PDGFRL: variants seen among roughly 807,000 people sequenced by gnomAD.
PDGFRL encodes the protein platelet-derived growth factor receptor-like protein.
PDGFRL carries 46 observed loss-of-function variants against 37.2 expected under a neutral mutation model. That is an observed-to-expected ratio of 1.24 (90% CI 0.98 to 1.58). The LOEUF (loss-of-function observed/expected upper bound fraction) is 1.58, where lower values mean the gene tolerates loss of function less well. Ranked by LOEUF, PDGFRL falls within the 40% of genes most tolerant of loss-of-function variation. The probability of loss-of-function intolerance (pLI) is 0.00; values close to 1 mark genes in which losing one functional copy is unlikely to be tolerated. For synonymous variants in PDGFRL, 251 were observed against 184.3 expected (o/e 1.36, Z -2.93); for missense variants, 692 against 467.6 (o/e 1.48, Z -4.43).
chr8:17,590,819 G>T (rs1218641132), intron 2 of PDGFRL, among the ~76,000 whole-genome samples: 2 of 151,952 alleles, frequency 1.3e-5, no homozygotes, highest in Non-Finnish European at 2.9e-5. Context: ...GGAGATTTCT[G>T]TGAGCAACTT....
chr8:17,632,854 T>C (rs2129822029), intron 4 of PDGFRL, among the ~76,000 whole-genome samples: 1 of 152,222 alleles, frequency 6.6e-6, no homozygotes, highest in South Asian at 2.1e-4. Flanking sequence ...TGCTGGTGTC[T>C]CCCTGCTTCT....
At chr8:17,578,909 C>G (rs1027930799) in intron 1 of PDGFRL, among the ~76,000 whole-genome samples, 2 of 152,188 alleles carry the variant, frequency 1.3e-5, no homozygotes, top group African/African-American at 4.8e-5. Flanking sequence ...TATAAAAGTA[C>G]ACACATCTGG....
chr8:17,630,643 C>T (rs73666199), intron 4 of PDGFRL, among the ~76,000 whole-genome samples: 3,606 of 152,304 alleles, frequency 0.024, 139 homozygotes, highest in African/African-American at 0.082. Flanking sequence ...CCCTCCCCTC[C>T]CCTCCCCTCC....
intron 2 of PDGFRL, among the ~76,000 whole-genome samples, chr8:17,596,846 A>T (rs1804063607): frequency 6.6e-6 from 1 of 152,254 alleles, no homozygotes; most frequent in Non-Finnish European, 1.5e-5. Context: ...ATTTCACACC[A>T]GAGATTCAAG....
At chr8:17,617,868 A>G (rs1804559473) in intron 2 of PDGFRL, among the ~76,000 whole-genome samples, 1 of 152,130 alleles carries the variant, frequency 6.6e-6, no homozygotes, top group South Asian at 2.1e-4. Flanking sequence ...GGCCCAGAGA[A>G]GATGCGCAGT....
At chr8:17,581,838 C>A (rs1304042989) in intron 1 of PDGFRL, among the ~76,000 whole-genome samples, 1 of 152,050 alleles carries the variant, frequency 6.6e-6, no homozygotes, top group Non-Finnish European at 1.5e-5. Flanking sequence ...ACAACCCAGC[C>A]CTACGTATTC....
chr8:17,612,267 A>T (rs1804434350), intron 2 of PDGFRL, among the ~76,000 whole-genome samples: 1 of 152,214 alleles, frequency 6.6e-6, no homozygotes, highest in Non-Finnish European at 1.5e-5. Flanking sequence ...GCATTTATGC[A>T]GTATCTGTTT....
chr8:17,622,163 AC>A (rs1286533234), intron 3 of PDGFRL, among the ~76,000 whole-genome samples: 2 of 152,236 alleles, frequency 1.3e-5, no homozygotes, highest in Non-Finnish European at 2.9e-5. Flanking sequence ...TTTGAGAAAC[AC>A]GTGTGCAGAA....
chr8:17,595,007 T>C (rs1804021980), intron 2 of PDGFRL, among the ~76,000 whole-genome samples: 2 of 4,542 alleles, frequency 4.4e-4, no homozygotes, highest in South Asian at 0.062. Flanking sequence ...CCACGTACAT[T>C]TTTTTTTTTT....
chr8:17,629,506 T>C (rs1250173995), intron 4 of PDGFRL, among the ~76,000 whole-genome samples: 1 of 152,118 alleles, frequency 6.6e-6, no homozygotes, highest in African/African-American at 2.4e-5. Flanking sequence ...CTTGTACCCA[T>C]TGCCACCTGC....
rs189348457 is a variant in PDGFRL at position 17,588,691 on chromosome 8, A to T, written c.56-777A>T. On this transcript the variant is annotated intron_variant, in intron 1 of 5. Coordinates refer to ENST00000251630, the MANE Select transcript of PDGFRL (RefSeq NM_001372073.1). ...CCGTTTCTAACGTTAAACACAAAATATTTTGCGTGCACTTTCAGCACAGTT... is the reference window on the plus strand; with the variant it reads ...CCGTTTCTAACGTTAAACACAAAATTTTTTGCGTGCACTTTCAGCACAGTT... 1.3e-3 allele frequency among the ~76,000 whole-genome samples: 196 copies of T among 152,068 alleles called. 2 individuals carry two copies. In the East Asian group the frequency reaches 0.033, roughly 26 times the overall value.
chr8:17,577,190 C>A, upstream of PDGFRL: 1 of 1,573,688 alleles, frequency 6.4e-7, no homozygotes. Flanking sequence ...CCCGCCGCCT[C>A]CCCTGCGTCC....
intron 5 of PDGFRL, among the ~76,000 whole-genome samples, chr8:17,635,893 CAT>C (rs1405114367): frequency 6.6e-6 from 1 of 152,140 alleles, no homozygotes; most frequent in East Asian, 1.9e-4. Flanking sequence ...AGTACGTTTT[CAT>C]ATGTTTGTTG....
chr8:17,598,858 A>T (rs2517165), intron 2 of PDGFRL, among the ~76,000 whole-genome samples: 1 of 151,976 alleles, frequency 6.6e-6, no homozygotes, highest in African/African-American at 2.4e-5. Flanking sequence ...GGGGAAACCC[A>T]TTTCTCTTGG....
intron 3 of PDGFRL, among the ~76,000 whole-genome samples, chr8:17,622,520 A>G (rs1261822121): frequency 6.6e-6 from 1 of 152,170 alleles, no homozygotes; most frequent in Non-Finnish European, 1.5e-5. Flanking sequence ...TCCTGCCCAA[A>G]TAGCTCCTCT....
At chr8:17,587,507 G>T (rs1803841750) in intron 1 of PDGFRL, among the ~76,000 whole-genome samples, 2 of 152,262 alleles carry the variant, frequency 1.3e-5, no homozygotes, top group South Asian at 4.1e-4. Flanking sequence ...ATGGGGCACA[G>T]ATTTCTTGGG....
intron 2 of PDGFRL, among the ~76,000 whole-genome samples, chr8:17,598,431 C>T (rs1585308211): frequency 6.6e-6 from 1 of 152,196 alleles, no homozygotes; most frequent in Admixed American, 6.5e-5. Context: ...ATTCCTAGCA[C>T]CTAGAACAAT....
chr8:17,590,246 A>AAAAAC lies in PDGFRL; in HGVS notation c.353+485_353+486insCAAAA, dbSNP rs1554549579. 1.4e-5 allele frequency among the ~76,000 whole-genome samples: 2 copies of AAAAAC among 145,556 alleles called. 1 individual carries two copies. Among genetic ancestry groups the AAAAAC allele is most frequent in the African/African-American group, 5.1e-5 (2 of 38,912 alleles). ...AGCGAGACTCCATCTCAAAAAAAAAAAAAAAAAAAATTGCAAATCCTACCA... is the reference window on the plus strand; with the variant it reads ...AGCGAGACTCCATCTCAAAAAAAAAAAAAACAAAAAAAAAATTGCAAATCCTACCA... On this transcript the variant is annotated intron_variant, in intron 2 of 5. Coordinates refer to ENST00000251630, the MANE Select transcript of PDGFRL (RefSeq NM_001372073.1).
intron 3 of PDGFRL, among the ~76,000 whole-genome samples, chr8:17,625,411 A>T (rs570429578): frequency 6.6e-6 from 1 of 150,928 alleles, no homozygotes; most frequent in African/African-American, 2.4e-5. Flanking sequence ...TGGCCTCCCA[A>T]AGTGCCGGGA....
Sources: allele counts gnomAD v4.1 joint callset (sites outside exome capture counted in the v4.1 genomes callset), GRCh38; gene constraint gnomAD v4.1.1; transcripts MANE v1.5; gene names NCBI Gene and HGNC (gene_info 2026-07-23, HGNC 2026-07-21).